Variants in PPP2R5E observed in about 807,000 individuals in gnomAD.
PPP2R5E encodes serine/threonine-protein phosphatase 2A 56 kDa regulatory subunit epsilon isoform.
Under a neutral mutation model 65.3 loss-of-function variants are expected in PPP2R5E, and 4 were observed. The ratio of observed to expected loss-of-function variants is 0.06; its 90% CI spans 0.03 to 0.14. PPP2R5E has a LOEUF of 0.14. Ranked by LOEUF, PPP2R5E falls within the 10% of genes least tolerant of loss-of-function variation. The probability of loss-of-function intolerance (pLI) is 1.00; values close to 1 mark genes in which losing one functional copy is unlikely to be tolerated. For synonymous variants in PPP2R5E, 183 were observed against 187.4 expected (o/e 0.98, Z 0.19); for missense variants, 274 against 556.1 (o/e 0.49, Z 5.10).
intron 5 of PPP2R5E, 63 bp downstream of exon 5, chr14:63,415,075 GAA>G: frequency 1.7e-6 from 2 of 1,188,340 alleles, no homozygotes; most frequent in South Asian, 2.8e-5. Flanking sequence ...TAACAAACAT[GAA>G]GAGAAAATGA....
intron 2 of PPP2R5E, among the ~76,000 whole-genome samples, chr14:63,477,260 T>G (rs748594623): frequency 2.1e-4 from 32 of 152,138 alleles, no homozygotes; most frequent in Non-Finnish European, 3.8e-4. Context: ...AAATGTGCAA[T>G]GTAGTAATAT....
At chr14:63,396,780 A>G (rs891913013) in intron 5 of PPP2R5E, 64 bp from the exon 6 acceptor site, 266 of 1,566,650 alleles carry the variant, frequency 1.7e-4, no homozygotes, top group Non-Finnish European at 2.2e-4. Context: ...TAGGAATTCT[A>G]TTATTTAAAA....
chr14:63,536,495 A>G (rs1181785551), intron 2 of PPP2R5E, among the ~76,000 whole-genome samples: 2 of 152,192 alleles, frequency 1.3e-5, no homozygotes, highest in Non-Finnish European at 2.9e-5. Flanking sequence ...AAAATTCAAC[A>G]TATGATCCAG....
At chr14:63,523,310 G>T (rs77397479) in intron 2 of PPP2R5E, among the ~76,000 whole-genome samples, 1 of 151,962 alleles carries the variant, frequency 6.6e-6, no homozygotes, top group Non-Finnish European at 1.5e-5. Context: ...GATGGTTGCC[G>T]TGTTTGTGTA....
chr14:63,522,154 C>T (rs1489751905), intron 2 of PPP2R5E, among the ~76,000 whole-genome samples: 3 of 151,892 alleles, frequency 2.0e-5, no homozygotes, highest in Admixed American at 6.6e-5. Context: ...CTGTGTTGGC[C>T]GGGCTGGTCT....
chr14:63,486,863 T>C (rs1187126958), intron 2 of PPP2R5E, among the ~76,000 whole-genome samples: 1 of 152,222 alleles, frequency 6.6e-6, no homozygotes, highest in African/African-American at 2.4e-5. Context: ...GCTGATTCCC[T>C]GAACCTGATG....
chr14:63,501,775 C>T (rs1166766803), intron 2 of PPP2R5E, among the ~76,000 whole-genome samples: 10 of 152,088 alleles, frequency 6.6e-5, no homozygotes, highest in African/African-American at 2.4e-4. Flanking sequence ...CAAAACGGAA[C>T]CATACTCAGC....
At chr14:63,403,787 T>G (rs1194031240) in intron 5 of PPP2R5E, among the ~76,000 whole-genome samples, 1 of 150,818 alleles carries the variant, frequency 6.6e-6, no homozygotes, top group Admixed American at 6.6e-5. Context: ...TTTCCAGGGT[T>G]AAAAAAAGAA....
chr14:63,454,410 A>C (rs1329026201), intron 2 of PPP2R5E, among the ~76,000 whole-genome samples: 1 of 152,192 alleles, frequency 6.6e-6, no homozygotes, highest in African/African-American at 2.4e-5. Flanking sequence ...TCTTTCTGAA[A>C]GAAACCTGAA....
At chr14:63,389,243 T>G (rs537138913) in intron 11 of PPP2R5E, among the ~76,000 whole-genome samples, 3 of 152,252 alleles carry the variant, frequency 2.0e-5, no homozygotes, top group Admixed American at 6.5e-5. Flanking sequence ...CCTTTTCCTC[T>G]TAAACATTAT....
At chr14:63,433,487 T>C (rs1363525833) in intron 3 of PPP2R5E, among the ~76,000 whole-genome samples, 1 of 152,162 alleles carries the variant, frequency 6.6e-6, no homozygotes, top group African/African-American at 2.4e-5. Flanking sequence ...AGGTCTTTTC[T>C]CTTGGGCTTG....
chr14:63,510,164 A>G (rs769819075), intron 2 of PPP2R5E, among the ~76,000 whole-genome samples: 5 of 152,212 alleles, frequency 3.3e-5, no homozygotes, highest in Non-Finnish European at 7.3e-5. Context: ...TTCCTTAAAT[A>G]TCACAACACC....
At chr14:63,381,557 G>A (rs34202451) in intron 13 of PPP2R5E, among the ~76,000 whole-genome samples, 1 of 151,922 alleles carries the variant, frequency 6.6e-6, no homozygotes, top group Non-Finnish European at 1.5e-5. Context: ...ATGAGTGTCA[G>A]GAAGCTTTGT....
intron 3 of PPP2R5E, among the ~76,000 whole-genome samples, chr14:63,424,230 G>C (rs144951206): frequency 3.3e-3 from 496 of 152,282 alleles, no homozygotes; most frequent in African/African-American, 0.011. Context: ...GAGATTACTG[G>C]AAAAGGGAAA....
At chr14:63,523,993 A>T (rs1467139966) in intron 2 of PPP2R5E, among the ~76,000 whole-genome samples, 1 of 152,190 alleles carries the variant, frequency 6.6e-6, no homozygotes, top group Non-Finnish European at 1.5e-5. Flanking sequence ...GATATGGTGG[A>T]GGAGTATGCC....
chr14:63,456,630 G>T (rs1030368205), intron 2 of PPP2R5E, among the ~76,000 whole-genome samples: 1 of 152,294 alleles, frequency 6.6e-6, no homozygotes, highest in African/African-American at 2.4e-5. Context: ...CAGAGTCAGT[G>T]ACTTGCCCAT....
intron 2 of PPP2R5E, among the ~76,000 whole-genome samples, chr14:63,460,670 C>T (rs1379192750): frequency 2.0e-5 from 3 of 152,082 alleles, no homozygotes; most frequent in East Asian, 1.9e-4. Flanking sequence ...AATGAGACAA[C>T]GAACATGTAT....
intron 13 of PPP2R5E, among the ~76,000 whole-genome samples, chr14:63,380,448 G>A (rs1884280910): frequency 6.6e-6 from 1 of 152,044 alleles, no homozygotes. Context: ...GGATCATGAG[G>A]TCAGGAGATC....
intron 13 of PPP2R5E, among the ~76,000 whole-genome samples, chr14:63,380,452 G>A (rs1048139234): frequency 1.3e-5 from 2 of 152,052 alleles, no homozygotes; most frequent in African/African-American, 2.4e-5. Context: ...CATGAGGTCA[G>A]GAGATCGAGA....
Sources: gnomAD v4.1 joint callset for allele counts (sites outside exome capture counted in the v4.1 genomes callset) on GRCh38, gnomAD v4.1.1 for gene constraint, MANE v1.5 for transcripts, NCBI Gene and HGNC (gene_info 2026-07-23, HGNC 2026-07-21) for gene names.